Variants in SERPINB11 observed in about 807,000 individuals in gnomAD.
The protein encoded by SERPINB11 is serpin family B member 11, also known as serpin B11.
Under a neutral mutation model 36.7 loss-of-function variants are expected in SERPINB11, and 32 were observed. The ratio of observed to expected loss-of-function variants is 0.87; its 90% CI spans 0.66 to 1.17. The LOEUF (loss-of-function observed/expected upper bound fraction) is 1.17. Ranked by LOEUF, SERPINB11 falls within the 50% of genes most tolerant of loss-of-function variation. SERPINB11 has a pLI of 0.00. For missense variants in SERPINB11, 528 were observed against 458.4 expected, an observed-to-expected ratio of 1.15 and a Z score of -1.39; for synonymous variants, 174 against 168.1, an observed-to-expected ratio of 1.04 and a Z score of -0.27.
At chr18:63,712,956 A>T (rs1914567806) in intron 4 of SERPINB11, among the ~76,000 whole-genome samples, 1 of 152,220 alleles carries the variant, frequency 6.6e-6, no homozygotes, top group Non-Finnish European at 1.5e-5. Flanking sequence ...AGTAGGTAAG[A>T]ATCATCCCTG....
chr18:63,713,282 C>T (rs994789410), intron 4 of SERPINB11, among the ~76,000 whole-genome samples: 2 of 152,208 alleles, frequency 1.3e-5, no homozygotes, highest in African/African-American at 2.4e-5. Context: ...CTCCTATAAT[C>T]CTCACACTGT....
Position 63,722,996 on chromosome 18 carries a change from T to C in SERPINB11, c.776T>C (p.Ile259Thr), listed in dbSNP as rs890403601. ...GCTTGTCTGTGTTTTGTCTCTTAGA[T>C]AGAAAAGCAGCTGAATTCGGGGACG... Reference protein sequence around the residue: ...LPVGIANLKQIEKQLNSGTFH... With the variant: ...LPVGIANLKQTEKQLNSGTFH... The change falls in exon 8 of 8, where the codon ATA becomes ACA. Residue 259 changes from isoleucine to threonine, a missense_variant and splice_region_variant. By Grantham distance (89) the Ile-to-Thr change is moderately conservative (BLOSUM62 -1). Transcript: ENST00000544088. 2.6e-6 allele frequency: 4 copies of C among 1,564,374 alleles called. No individual in the cohort carries two copies. The highest frequency in any genetic ancestry group is 1.7e-4 in the Middle Eastern group (1 of 5,844).
chr18:63,719,130 T>C (rs1303456677), intron 5 of SERPINB11, among the ~76,000 whole-genome samples: 1 of 152,076 alleles, frequency 6.6e-6, no homozygotes, highest in Non-Finnish European at 1.5e-5. Context: ...ATGCCTAAAA[T>C]TTTTTGGCAC....
At position 63,723,634 on chromosome 18, in the gene SERPINB11, G is replaced by T. The variant is rs1252586758; in HGVS notation, c.*235G>T. The T allele has an allele frequency of 6.8e-6, 3 of 438,456 alleles. No individual in the cohort carries two copies. Among genetic ancestry groups the T allele is most frequent in the Non-Finnish European group, 1.2e-5 (3 of 249,510 alleles). The allele number at this position is 438,456 out of a possible 1,614,324, so 27.2% of individuals were successfully genotyped here. ...AAGCCTTTCTGGCTTTCTTATCTGT[G>T]GTGTCTCATTTGAGTGCTGTCCAGT... On this transcript the variant is annotated 3_prime_UTR_variant, in exon 8 of 8. Transcript: ENST00000544088.
Position 63,711,404 on chromosome 18 carries a change from T to C in SERPINB11, c.228+10T>C, listed in dbSNP as rs1914521867. The C allele has an allele frequency of 6.4e-7, 1 of 1,572,888 alleles. No individual in the cohort carries two copies. Among genetic ancestry groups the C allele is most frequent in the East Asian group, 2.2e-5 (1 of 44,618 alleles). On this transcript the variant is annotated intron_variant, in intron 3 of 7. Transcript: ENST00000544088. Reference sequence around the variant, plus strand: ...CAAGGACTCACCTAAGGTATGATAATATTACTGAGTTGTCAAATGCTCTTT... The same window carrying C: ...CAAGGACTCACCTAAGGTATGATAACATTACTGAGTTGTCAAATGCTCTTT...
At chr18:63,722,563 A>T (rs1914841621) in intron 7 of SERPINB11, among the ~76,000 whole-genome samples, 1 of 152,194 alleles carries the variant, frequency 6.6e-6, no homozygotes, top group African/African-American at 2.4e-5. Flanking sequence ...GAAAGCTATC[A>T]GAGTGCATGG....
chr18:63,717,052 G>A (rs1022074513), intron 5 of SERPINB11, among the ~76,000 whole-genome samples: 6 of 152,002 alleles, frequency 3.9e-5, no homozygotes, highest in Non-Finnish European at 5.9e-5. Context: ...CTGGAAATAA[G>A]CCCCTTTTTT....
chr18:63,705,393 G>C (rs1403300), intron 1 of SERPINB11: 1 of 152,026 alleles, frequency 6.6e-6, no homozygotes, highest in Non-Finnish European at 1.5e-5. Flanking sequence ...TTAAAAATGC[G>C]TAAGATAAAG....
intron 3 of SERPINB11, among the ~76,000 whole-genome samples, chr18:63,711,812 C>G (rs1352364577): frequency 6.6e-6 from 1 of 152,008 alleles, no homozygotes; most frequent in African/African-American, 2.4e-5. Context: ...ACTATGGTCT[C>G]TAGTTTTTTC....
rs1914657877 is a variant in SERPINB11 at position 63,716,026 on chromosome 18, CTTTCATAGCAATAT to C, written c.358-6_365del. 2.6e-6 allele frequency: 4 copies of C among 1,563,380 alleles called. No individual in the cohort carries two copies. The highest frequency in any genetic ancestry group is 3.5e-6 in the Non-Finnish European group (4 of 1,138,676). ...TTGAATTGTTGTTCAATTATCATGTCTTTCATAGCAATATTTAAGCTGTTCTGAGAAATGGTATC... is the reference window on the plus strand; with the variant it reads ...TTGAATTGTTGTTCAATTATCATGTCTTAAGCTGTTCTGAGAAATGGTATC... On this transcript the variant is annotated splice_acceptor_variant and splice_polypyrimidine_tract_variant and coding_sequence_variant and intron_variant, in exon 5 of 8. Coordinates refer to ENST00000544088, the MANE Select transcript of SERPINB11 (RefSeq NM_001370475.1). LOFTEE classifies it high-confidence loss of function.
At chr18:63,720,347 C>T (rs1490886085) in intron 6 of SERPINB11, 192 bp downstream of exon 6, 2 of 561,304 alleles carry the variant, frequency 3.6e-6, no homozygotes, top group Middle Eastern at 4.8e-4. Flanking sequence ...GAGCACCTAA[C>T]TGGAGACTTG....
chr18:63,722,918 A>G, intron 7 of SERPINB11, 77 bp from the exon 8 acceptor site: 1 of 1,395,590 alleles, frequency 7.2e-7, no homozygotes, highest in Non-Finnish European at 9.5e-7. Context: ...CACACTGAGA[A>G]TTATAAAAAC....
chr18:63,721,397 A>AT (rs1299526778), intron 7 of SERPINB11, among the ~76,000 whole-genome samples: 2 of 152,190 alleles, frequency 1.3e-5, no homozygotes, highest in East Asian at 3.9e-4. Context: ...CAGGCTAACC[A>AT]TTTTTAACAT....
chr18:63,710,952 C>T (rs1914507147), intron 2 of SERPINB11, among the ~76,000 whole-genome samples: 1 of 152,164 alleles, frequency 6.6e-6, no homozygotes, highest in African/African-American at 2.4e-5. Context: ...ATTGTTCGTG[C>T]TGGGAAACCA....
At position 63,720,735 on chromosome 18, in the gene SERPINB11, G is replaced by A. The variant is rs1398046518; in HGVS notation, c.619-96G>A. The A allele has an allele frequency of 6.0e-6, 5 of 832,436 alleles. No homozygotes were observed. The African/African-American group carries it at 6.9e-5, about 11-fold the overall frequency. The allele number at this position is 832,436 out of a possible 1,614,324, so 51.6% of individuals were successfully genotyped here. On this transcript the variant is annotated intron_variant, in intron 6 of 7. Transcript: ENST00000544088. ...TTTCTATTTTACCCATGCCTTTAGA[G>A]TGTTCATGCAGATATCCGTGTTATG...
rs919545337 is a variant in SERPINB11 at position 63,720,943 on chromosome 18, G to C, written c.731G>C (p.Ser244Thr). Residue 244 changes from serine (S) to threonine (T), a missense_variant, in exon 7 of 8, where the codon AGC becomes ACC. Physicochemically the swap from Ser to Thr is moderately conservative, Grantham distance 58. Transcript: ENST00000544088. Reference sequence around the variant, plus strand: ...CTGCCCTACGTTAACAACAAATTAAGCATGATTATTCTGCTTCCAGTAGGC... The same window carrying C: ...CTGCCCTACGTTAACAACAAATTAACCATGATTATTCTGCTTCCAGTAGGC... ...LELPYVNNKL[S>T]MIILLPVGIA... 1.2e-6 allele frequency: 2 copies of C among 1,609,870 alleles called. No homozygotes were observed.
At chr18:63,709,616 T>TAAATAAAATAAACTAAAATAAAATA (rs1914464015) in intron 1 of SERPINB11, among the ~76,000 whole-genome samples, 1 of 143,450 alleles carries the variant, frequency 7.0e-6, no homozygotes, top group Admixed American at 7.1e-5. Context: ...GTCTCAAAAA[T>TAAATAAAATAAACTAAAATAAAATA]AAATAAAATA....
chr18:63,723,794 A>C lies in SERPINB11; in HGVS notation c.*395A>C. Reference sequence around the variant, plus strand: ...GCTGAAGGGCTTCAACTTTGCTTGGATTTTTAAATATTTTCCTTGCATATG... The same window carrying C: ...GCTGAAGGGCTTCAACTTTGCTTGGCTTTTTAAATATTTTCCTTGCATATG... On this transcript the variant is annotated 3_prime_UTR_variant, in exon 8 of 8. Transcript: ENST00000544088. 1 of 163,178 alleles carries C rather than the reference A, an allele frequency of 6.1e-6. No homozygotes were observed. The highest frequency in any genetic ancestry group is 1.3e-5 in the Non-Finnish European group (1 of 75,828). The allele number at this position is 163,178 out of a possible 1,614,324, so 10.1% of individuals were successfully genotyped here.
At chr18:63,710,396 G>C in intron 2 of SERPINB11, 35 bp downstream of exon 2, 1 of 1,565,384 alleles carries the variant, frequency 6.4e-7, no homozygotes, top group Non-Finnish European at 8.6e-7. Flanking sequence ...TCAGAACCCA[G>C]AAGTCTTTCA....
Sources: allele counts gnomAD v4.1 joint callset (sites outside exome capture counted in the v4.1 genomes callset), GRCh38; gene constraint gnomAD v4.1.1; transcripts MANE v1.5; gene names NCBI Gene and HGNC (gene_info 2026-07-23, HGNC 2026-07-21).